The following TDRD15 variants were observed in gnomAD, a reference collection of about 807,000 sequenced individuals.
The protein encoded by TDRD15 is tudor domain containing 15.
For missense variants in TDRD15, 1,416 were observed against 904.7 expected (o/e 1.57, Z -7.25); for synonymous variants, 503 against 314.5 (o/e 1.60, Z -6.34).
In TDRD15 at chr2:21,139,485, C is replaced by G; in HGVS notation, c.2018C>G (p.Pro673Arg). Residue 673 changes from proline to arginine, a missense_variant, in exon 4 of 4, where the codon CCA becomes CGA. By Grantham distance (103) the Pro-to-Arg change is moderately radical. Transcript: ENST00000405799. ...TTTCAAGTAGAACTAGAATATTTTC[C>G]AAAATCTGTAAGTGAATATTCAATG... ...EYFQVELEYF[P>R]KSVSEYSMLN... is the part of the protein sequence containing the mutation. 1 of 700,190 alleles carries G rather than the reference C, an allele frequency of 1.4e-6. No homozygotes were observed. The highest frequency in any genetic ancestry group is 2.7e-5 in the East Asian group (1 of 37,186). The allele number at this position is 700,190 out of a possible 1,614,324, so 43.4% of individuals were successfully genotyped here.
chr2:21,129,919 T>C (rs1283603680), intron 2 of TDRD15, among the ~76,000 whole-genome samples: 1 of 152,212 alleles, frequency 6.6e-6, no homozygotes, highest in African/African-American at 2.4e-5. Flanking sequence ...GCCACCTTGC[T>C]AGTGGGGACT....
rs142472110 is a variant in TDRD15, at chr2:21,139,214, C to G, written c.1747C>G (p.Leu583Val). 8 of 714,934 alleles carry G rather than the reference C, an allele frequency of 1.1e-5. No homozygotes were observed. Among genetic ancestry groups the G allele is most frequent in the Non-Finnish European group, 2.1e-5 (8 of 383,906 alleles). The allele number at this position is 714,934 out of a possible 1,614,324, so 44.3% of individuals were successfully genotyped here. ...SIPFFDVKIL[L>V]PEFCELPALA... ...ACCATTTTTTGATGTAAAAATTTTGCTTCCAGAATTTTGTGAGTTGCCTGC... is the reference window on the plus strand; with the variant it reads ...ACCATTTTTTGATGTAAAAATTTTGGTTCCAGAATTTTGTGAGTTGCCTGC... The change falls in exon 4 of 4, where the codon CTT (leucine) becomes GTT (valine). Residue 583 changes from leucine to valine, a missense_variant. Leu to Val is a conservative substitution (Grantham distance 32). Coordinates refer to ENST00000405799, the MANE Select transcript of TDRD15 (RefSeq NM_001306137.2).
intron 1 of TDRD15, among the ~76,000 whole-genome samples, chr2:21,126,917 A>G (rs894159980): frequency 6.6e-5 from 10 of 152,182 alleles, no homozygotes; most frequent in Non-Finnish European, 1.0e-4. Flanking sequence ...AAGTGTTTCT[A>G]TCGTTTTACA....
intron 2 of TDRD15, among the ~76,000 whole-genome samples, chr2:21,129,691 T>C (rs540864011): frequency 6.6e-6 from 1 of 152,370 alleles, no homozygotes; most frequent in Admixed American, 6.5e-5. Flanking sequence ...GTACAAGTTT[T>C]TTTTAAACTT....
rs541733777 is a variant in TDRD15 at position 21,126,374 on chromosome 2, T to C, written c.-200-1227T>C. Among the ~76,000 whole-genome samples, 5 of 152,236 alleles carry C rather than the reference T, an allele frequency of 3.3e-5. No individual in the cohort carries two copies. In the East Asian group the frequency reaches 9.7e-4, roughly 29 times the overall value. On this transcript the variant is annotated intron_variant, in intron 1 of 3. Transcript: ENST00000405799. Reference sequence around the variant, plus strand: ...GAGTATCAGTGTTTCATTCTTTTTTTTTTTTCTTTGAGACGGAGTTTCCCT... The same window carrying C: ...GAGTATCAGTGTTTCATTCTTTTTTCTTTTTCTTTGAGACGGAGTTTCCCT...
In TDRD15 at chr2:21,140,875, A is replaced by G. The variant is rs948597138; in HGVS notation, c.3408A>G (p.Lys1136=). ...CTCAATATATAAATGAGAAAATTAAAGTGTTGCTTCATGCTTATGGAAAAA... is the reference window on the plus strand; with the variant it reads ...CTCAATATATAAATGAGAAAATTAAGGTGTTGCTTCATGCTTATGGAAAAA... The part of the protein sequence containing the change: ...DGSQYINEKI[K]VLLHAYGKRH... The change falls in exon 4 of 4, where the codon AAA becomes AAG. Residue 1136 remains lysine (K), a synonymous_variant. Transcript: ENST00000405799. The G allele has an allele frequency of 2.8e-6, 2 of 710,250 alleles. No homozygotes were observed. Among genetic ancestry groups the G allele is most frequent in the African/African-American group, 3.5e-5 (2 of 56,722 alleles). 44.0% of individuals were successfully genotyped at this position (710,250 alleles called of 1,614,324 possible).
intron 1 of TDRD15, 38 bp downstream of exon 1, chr2:21,124,084 C>G (rs1558293246): frequency 1.3e-5 from 2 of 152,478 alleles, no homozygotes; most frequent in South Asian, 2.1e-4. Flanking sequence ...TTAGCCTGCT[C>G]TAGGTACTAT....
chr2:21,138,006 A>G lies in TDRD15; in HGVS notation c.539A>G (p.Gln180Arg), dbSNP rs1363938166. 6.4e-5 allele frequency: 46 copies of G among 716,584 alleles called. No homozygotes were observed. Among genetic ancestry groups the G allele is most frequent in the Non-Finnish European group, 1.2e-4 (45 of 384,524 alleles). 44.4% of individuals were successfully genotyped at this position (716,584 alleles called of 1,614,324 possible). A position where few individuals can be genotyped will look rare whatever the true frequency, so the allele number is the denominator to read the frequency against. ...PKIISQALEL[Q>R]LGRLVDGDSF... The stretch of plus-strand genomic sequence containing the variant: ...ATTATATCTCAGGCTCTCGAGTTAC[A>G]ATTAGGAAGACTTGTTGATGGAGAT... Residue 180 changes from glutamine to arginine, a missense_variant, in exon 4 of 4, where the codon CAA becomes CGA. By Grantham distance (43) the Gln-to-Arg change is conservative (BLOSUM62 1). Coordinates refer to ENST00000405799, the MANE Select transcript of TDRD15 (RefSeq NM_001306137.2).
downstream of TDRD15, among the ~76,000 whole-genome samples, chr2:21,146,943 A>T (rs312970): frequency 0.76 from 114,904 of 151,946 alleles, 44,149 homozygotes; most frequent in East Asian, 0.99. Context: ...TATTAGTGAT[A>T]AAACCATGGG....
intron 1 of TDRD15, among the ~76,000 whole-genome samples, chr2:21,125,151 T>A (rs907655706): frequency 3.3e-5 from 5 of 151,146 alleles, no homozygotes; most frequent in African/African-American, 9.7e-5. Context: ...GGTGTGTGTG[T>A]GAGAGAGAAA....
chr2:21,125,383 C>T (rs1001379385), intron 1 of TDRD15, among the ~76,000 whole-genome samples: 11 of 142,740 alleles, frequency 7.7e-5, no homozygotes, highest in Middle Eastern at 4.5e-3. Flanking sequence ...TGTGAGTGTG[C>T]GAGATATAAT....
chr2:21,130,928 G>A (rs765401835), intron 2 of TDRD15, among the ~76,000 whole-genome samples: 1 of 152,158 alleles, frequency 6.6e-6, no homozygotes, highest in Non-Finnish European at 1.5e-5. Context: ...TATTCCATGT[G>A]GTGAAATGGG....
chr2:21,144,020 G>C lies in TDRD15; in HGVS notation c.*748G>C, dbSNP rs547884762. 1.7e-3 allele frequency among the ~76,000 whole-genome samples: 250 copies of C among 151,246 alleles called. No homozygotes were observed. Among genetic ancestry groups the C allele is most frequent in the Non-Finnish European group, 2.9e-3 (196 of 67,758 alleles). ...ATGTTAATAAATCTTGCTATTATTA[G>C]TGAGCTTCCTGCGCTTATTTTGAAG... On this transcript the variant is annotated 3_prime_UTR_variant, in exon 4 of 4. Coordinates refer to ENST00000405799, the MANE Select transcript of TDRD15 (RefSeq NM_001306137.2).
At position 21,142,843 on chromosome 2, in the gene TDRD15, A is replaced by G. The variant is rs773200617; in HGVS notation, c.5376A>G (p.Lys1792=). ...GTTCTAGTTGTTTGTTCAAATATAA[A>G]TCGGAAGATCAGTGGAATAGAGTAG... ...IPGSSCLFKY[K]SEDQWNRVEI... is the part of the protein sequence containing the mutation. Residue 1792 remains lysine (K), a synonymous_variant, in exon 4 of 4, where the codon AAA becomes AAG. Coordinates refer to ENST00000405799, the MANE Select transcript of TDRD15 (RefSeq NM_001306137.2). 1.4e-6 allele frequency: 1 copy of G among 714,402 alleles called. No homozygotes were observed. The highest frequency in any genetic ancestry group is 1.5e-5 in the South Asian group (1 of 67,294). The allele number at this position is 714,402 out of a possible 1,614,324, so 44.3% of individuals were successfully genotyped here. A position where few individuals can be genotyped will look rare whatever the true frequency, so the allele number is the denominator to read the frequency against.
intron 3 of TDRD15, among the ~76,000 whole-genome samples, chr2:21,135,196 A>T (rs1170164598): frequency 6.8e-6 from 1 of 147,460 alleles, no homozygotes; most frequent in Non-Finnish European, 1.5e-5. Flanking sequence ...ACATATTTTT[A>T]TATATATAAA....
In TDRD15 at chr2:21,141,309, C is replaced by G. The variant is rs1665924327; in HGVS notation, c.3842C>G (p.Pro1281Arg). 5 of 715,656 alleles carry G rather than the reference C, an allele frequency of 7.0e-6. No homozygotes were observed. The East Asian group carries it at 1.3e-4, about 19-fold the overall frequency. 44.3% of individuals were successfully genotyped at this position (715,656 alleles called of 1,614,324 possible). Residue 1281 changes from proline to arginine, a missense_variant, in exon 4 of 4, where the codon CCA becomes CGA. Coordinates refer to ENST00000405799, the MANE Select transcript of TDRD15 (RefSeq NM_001306137.2). ...TSQNPYDLIR[P>R]QIKDLPQPQI... ...CAAAACCCATATGACCTTATTAGGCCACAGATCAAAGACCTTCCTCAACCG... is the reference window on the plus strand; with the variant it reads ...CAAAACCCATATGACCTTATTAGGCGACAGATCAAAGACCTTCCTCAACCG...
downstream of TDRD15, among the ~76,000 whole-genome samples, chr2:21,146,757 A>G (rs1272947629): frequency 2.0e-5 from 3 of 152,134 alleles, no homozygotes; most frequent in Admixed American, 2.0e-4. Flanking sequence ...TTAAATATGA[A>G]GTAACATCTA....
In TDRD15 at chr2:21,141,658, A is replaced by G; in HGVS notation, c.4191A>G (p.Glu1397=). The G allele has an allele frequency of 1.4e-6, 1 of 715,124 alleles. No homozygotes were observed. Among genetic ancestry groups the G allele is most frequent in the South Asian group, 1.5e-5 (1 of 67,436 alleles). The allele number at this position is 715,124 out of a possible 1,614,324, so 44.3% of individuals were successfully genotyped here. A position where few individuals can be genotyped will look rare whatever the true frequency, so the allele number is the denominator to read the frequency against. Residue 1397 remains glutamate, a synonymous_variant, in exon 4 of 4, where the codon GAA becomes GAG. Coordinates refer to ENST00000405799, the MANE Select transcript of TDRD15 (RefSeq NM_001306137.2). ...NTSKIYELQR[E]FLTVPQLGIH... ...CTAAAATTTACGAACTTCAGAGGGA[A>G]TTTTTAACTGTTCCTCAGCTAGGAA...
At position 21,135,152 on chromosome 2, in the gene TDRD15, T is replaced by A. The variant is rs1665785395; in HGVS notation, c.-4+305T>A. Among the ~76,000 whole-genome samples the A allele has an allele frequency of 2.0e-5, 3 of 146,640 alleles. No homozygotes were observed. The South Asian group carries it at 6.3e-4, about 31-fold the overall frequency. On this transcript the variant is annotated intron_variant, in intron 3 of 3. Transcript: ENST00000405799. Reference sequence around the variant, plus strand: ...TTAAATATTATATATTTATATAATATATTTTATATATAAGATATAATAAAA... The same window carrying A: ...TTAAATATTATATATTTATATAATAAATTTTATATATAAGATATAATAAAA...
Sources: allele counts gnomAD v4.1 joint callset (sites outside exome capture counted in the v4.1 genomes callset), GRCh38; gene constraint gnomAD v4.1.1; transcripts MANE v1.5; gene names NCBI Gene and HGNC (gene_info 2026-07-23, HGNC 2026-07-21).